SASH1: variants seen among roughly 807,000 people sequenced by gnomAD.
SASH1 encodes SAM and SH3 domain containing 1.
Under a neutral mutation model 125.2 loss-of-function variants are expected in SASH1, and 44 were observed. The observed-to-expected ratio is 0.35, with a 90% CI of 0.28 to 0.45. SASH1 has a LOEUF of 0.45. SASH1 is among the 20% of genes least tolerant of loss of function. SASH1 has a pLI of 1.00. For synonymous variants in SASH1, 639 were observed against 649.1 expected (o/e 0.98, Z 0.24); for missense variants, 1,426 against 1,614.5 (o/e 0.88, Z 2.00).
intron 1 of SASH1, among the ~76,000 whole-genome samples, chr6:148,384,911 AT>A (rs911784856): frequency 5.3e-5 from 8 of 152,126 alleles, no homozygotes; most frequent in African/African-American, 1.9e-4. Flanking sequence ...TTATTATTTC[AT>A]TTTTTAAAGC....
chr6:148,225,489 G>A, the SASH1 span, among the ~76,000 whole-genome samples: 1 of 152,048 alleles, frequency 6.6e-6, no homozygotes, highest in South Asian at 2.1e-4. Context: ...CCCAAATATC[G>A]TATGTTCTCA....
chr6:148,201,378 C>A, the SASH1 span, among the ~76,000 whole-genome samples: 1 of 152,060 alleles, frequency 6.6e-6, no homozygotes, highest in African/African-American at 2.4e-5. Context: ...GGGGTGGGAC[C>A]AACTGAATAG....
chr6:148,481,512 T>C (rs1204919633), intron 7 of SASH1, among the ~76,000 whole-genome samples: 1 of 152,150 alleles, frequency 6.6e-6, no homozygotes, highest in Non-Finnish European at 1.5e-5. Context: ...TAGCTTTTGA[T>C]TTAAAGTGAG....
At chr6:148,520,119 A>G (rs1317498924) in intron 10 of SASH1, 11 of 541,366 alleles carry the variant, frequency 2.0e-5, no homozygotes, top group East Asian at 1.9e-4. Context: ...AGGGGGCGGG[A>G]GCTGCGGCTT....
At chr6:148,374,338 A>G (rs767668861) in intron 1 of SASH1, among the ~76,000 whole-genome samples, 1 of 152,212 alleles carries the variant, frequency 6.6e-6, no homozygotes, top group East Asian at 1.9e-4. Flanking sequence ...TTGACCAGTA[A>G]AACTGTTAGC....
the SASH1 span, among the ~76,000 whole-genome samples, chr6:148,212,397 G>T: frequency 0.027 from 4,101 of 152,268 alleles, 173 homozygotes; most frequent in African/African-American, 0.094. Context: ...GACCTTGGGG[G>T]CTGAAGAAAG....
At chr6:148,249,629 A>G in the SASH1 span, among the ~76,000 whole-genome samples, 361 of 152,330 alleles carry the variant, frequency 2.4e-3, 3 homozygotes, top group African/African-American at 8.4e-3. Flanking sequence ...AGCAGTGATA[A>G]TAACATTTAC....
chr6:148,321,120 C>A (rs1006175552), intron 1 of SASH1, among the ~76,000 whole-genome samples: 1 of 152,144 alleles, frequency 6.6e-6, no homozygotes, highest in Non-Finnish European at 1.5e-5. Context: ...AGGCCAGGCG[C>A]GGTGGCTCAC....
In SASH1 at chr6:148,284,077, C is replaced by A. The variant is rs534788805; in HGVS notation, n.74+11700C>A. Among the ~76,000 whole-genome samples, 4 of 152,178 alleles carry A rather than the reference C, an allele frequency of 2.6e-5. 1 individual carries two copies. The South Asian group carries it at 6.2e-4, about 24-fold the overall frequency. On this transcript the variant is annotated intron_variant and non_coding_transcript_variant, in intron 1 of 3. Coordinates refer to the SASH1 transcript ENST00000367469. ...ATCATTCCAATGACCACTATAGGAA[C>A]CTACCCGAAGATTTTTGATGACAAG...
rs985092038 is a variant in SASH1, at chr6:148,277,145, G to A, written n.74+4768G>A. 2.0e-5 allele frequency among the ~76,000 whole-genome samples: 3 copies of A among 152,246 alleles called. 1 individual carries two copies. The highest frequency in any genetic ancestry group is 1.9e-4 in the East Asian group (1 of 5,176). Reference sequence around the variant, plus strand: ...GGGAGCCAGTATTTGAACCCAGAGAGTCTGCCCCTGGAGTCTTGCACTCTT... The same window carrying A: ...GGGAGCCAGTATTTGAACCCAGAGAATCTGCCCCTGGAGTCTTGCACTCTT... On this transcript the variant is annotated intron_variant and non_coding_transcript_variant, in intron 1 of 3. Coordinates refer to the SASH1 transcript ENST00000367469.
At chr6:148,360,644 G>GCC (rs948720689) in intron 1 of SASH1, among the ~76,000 whole-genome samples, 24 of 105,172 alleles carry the variant, frequency 2.3e-4, no homozygotes, top group African/African-American at 9.0e-4. Context: ...CCACCCCCCC[G>GCC]CCAGGCTTTA....
At chr6:148,274,119 CA>C (rs1562300480) in intron 1 of SASH1, among the ~76,000 whole-genome samples, 1 of 152,026 alleles carries the variant, frequency 6.6e-6, no homozygotes, top group Non-Finnish European at 1.5e-5. Context: ...ATGAACAAAG[CA>C]AAAAATGTCT....
chr6:148,473,818 C>T (rs959277403), intron 6 of SASH1, among the ~76,000 whole-genome samples: 26 of 152,130 alleles, frequency 1.7e-4, no homozygotes, highest in Non-Finnish European at 8.8e-5. Flanking sequence ...TCTCACTTTC[C>T]TCCAAAACCC....
chr6:148,302,832 A>G (rs1172272259), intron 1 of SASH1, among the ~76,000 whole-genome samples: 1 of 149,180 alleles, frequency 6.7e-6, no homozygotes, highest in African/African-American at 2.5e-5. Context: ...ATATATATAT[A>G]TATATATATA....
chr6:148,370,151 C>T (rs1242332102), intron 1 of SASH1, among the ~76,000 whole-genome samples: 1 of 152,024 alleles, frequency 6.6e-6, no homozygotes, highest in African/African-American at 2.4e-5. Flanking sequence ...TGAAAGTGAC[C>T]TTTCGAATGT....
intron 1 of SASH1, among the ~76,000 whole-genome samples, chr6:148,356,732 G>C (rs1781961835): frequency 6.6e-6 from 1 of 152,118 alleles, no homozygotes; most frequent in Admixed American, 6.5e-5. Flanking sequence ...TAGGATTACA[G>C]TGTGAGCCAC....
chr6:148,482,687 A>G (rs990975155), intron 7 of SASH1, among the ~76,000 whole-genome samples: 2 of 41,856 alleles, frequency 4.8e-5, no homozygotes, highest in African/African-American at 3.8e-4. Flanking sequence ...ACACCTGGCT[A>G]ATTTTTTTTT....
intron 1 of SASH1, among the ~76,000 whole-genome samples, chr6:148,324,538 T>C (rs1780746374): frequency 6.6e-6 from 1 of 152,104 alleles, no homozygotes; most frequent in Non-Finnish European, 1.5e-5. Flanking sequence ...AGCTTGGGAA[T>C]GTTCTCAGAT....
intron 2 of SASH1, among the ~76,000 whole-genome samples, chr6:148,400,253 G>A (rs964913776): frequency 1.3e-5 from 2 of 152,230 alleles, no homozygotes; most frequent in Non-Finnish European, 2.9e-5. Flanking sequence ...CCTGTGTGGG[G>A]CCTGAGGCAG....
Sources: gnomAD v4.1 joint callset for allele counts (sites outside exome capture counted in the v4.1 genomes callset) on GRCh38, gnomAD v4.1.1 for gene constraint, MANE v1.5 for transcripts, NCBI Gene and HGNC (gene_info 2026-07-23, HGNC 2026-07-21) for gene names.